TTLL7: variants seen among roughly 807,000 people sequenced by gnomAD.
TTLL7 encodes the protein tubulin tyrosine ligase like 7.
In TTLL7, 53 loss-of-function variants were observed where a neutral mutation model predicts 120.2. The observed-to-expected ratio is 0.44, with a 90% CI of 0.35 to 0.55. The LOEUF (loss-of-function observed/expected upper bound fraction) is 0.55, where lower values mean the gene tolerates loss of function less well. Among genes scored for constraint, TTLL7 ranks in the 20% least tolerant of loss-of-function variants. The pLI is 0.00. For synonymous variants in TTLL7, 353 were observed against 351.7 expected, an observed-to-expected ratio of 1.00 and a Z score of -0.04; for missense variants, 803 against 1,054.7, an observed-to-expected ratio of 0.76 and a Z score of 3.31.
chr1:83,968,051 T>C (rs1650642948), intron 1 of TTLL7, among the ~76,000 whole-genome samples: 1 of 152,030 alleles, frequency 6.6e-6, no homozygotes, highest in Non-Finnish European at 1.5e-5. Flanking sequence ...ATTGGTGCAG[T>C]AGTTCTACCA....
chr1:83,897,942 C>T (rs984764625), intron 18 of TTLL7, among the ~76,000 whole-genome samples: 1 of 150,016 alleles, frequency 6.7e-6, no homozygotes, highest in African/African-American at 2.5e-5. Flanking sequence ...GCTGGTAAAG[C>T]TTTCAATGAT....
chr1:83,914,429 T>G (rs1194700674), intron 14 of TTLL7, among the ~76,000 whole-genome samples: 1 of 147,458 alleles, frequency 6.8e-6, no homozygotes, highest in African/African-American at 2.5e-5. Flanking sequence ...CCTCCCACGT[T>G]CAAGCAATTC....
At chr1:83,891,329 A>G (rs1306706221) in intron 18 of TTLL7, among the ~76,000 whole-genome samples, 1 of 152,116 alleles carries the variant, frequency 6.6e-6, no homozygotes, top group Non-Finnish European at 1.5e-5. Flanking sequence ...AAGGAAATAA[A>G]TATGCCCAAT....
rs1308010072 is a variant in TTLL7, at chr1:83,921,337, G to C, written c.1200C>G (p.Leu400=). ...AKQKAEAQRR[L]YGQNSIKRLL... Reference sequence around the variant, plus strand: ...GCCTTTTAATTGAATTTTGACCATAGAGCCTCCTTTGAGCCTCAGCTTTTT... The same window carrying C: ...GCCTTTTAATTGAATTTTGACCATACAGCCTCCTTTGAGCCTCAGCTTTTT... The change falls in exon 11 of 21, where the codon CTC becomes CTG. Residue 400 remains leucine, a synonymous_variant. Transcript: ENST00000260505. 3.7e-6 allele frequency: 6 copies of C among 1,612,420 alleles called. No homozygotes were observed. Among genetic ancestry groups the C allele is most frequent in the African/African-American group, 2.7e-5 (2 of 74,962 alleles).
At chr1:83,876,471 A>G (rs1557517117) in intron 20 of TTLL7, among the ~76,000 whole-genome samples, 1 of 151,902 alleles carries the variant, frequency 6.6e-6, no homozygotes, top group Non-Finnish European at 1.5e-5. Context: ...TCTCCCCGCC[A>G]AAAATAAAAA....
At chr1:83,939,407 T>G (rs550661428) in intron 7 of TTLL7, among the ~76,000 whole-genome samples, 2 of 152,308 alleles carry the variant, frequency 1.3e-5, no homozygotes, top group South Asian at 4.1e-4. Flanking sequence ...AGTATTCTAG[T>G]GAAAAATTAA....
chr1:83,925,816 T>C (rs1307143087), intron 10 of TTLL7, among the ~76,000 whole-genome samples: 1 of 152,106 alleles, frequency 6.6e-6, no homozygotes, highest in Non-Finnish European at 1.5e-5. Flanking sequence ...TAGCAAATCA[T>C]AGGCTCTTTA....
chr1:83,948,818 A>G (rs1161148615), intron 4 of TTLL7, 123 bp from the exon 5 acceptor site: 2 of 649,466 alleles, frequency 3.1e-6, no homozygotes, highest in Non-Finnish European at 5.2e-6. Context: ...TATTAATCTA[A>G]AAGATTTAAT....
intron 18 of TTLL7, among the ~76,000 whole-genome samples, chr1:83,894,012 T>G (rs1459147061): frequency 6.6e-6 from 1 of 152,154 alleles, no homozygotes. Flanking sequence ...CATTAATTCA[T>G]GCCTTTTAGT....
intron 1 of TTLL7, among the ~76,000 whole-genome samples, chr1:83,989,750 T>C (rs548762258): frequency 1.2e-4 from 19 of 152,350 alleles, no homozygotes; most frequent in African/African-American, 4.6e-4. Flanking sequence ...ACTGAATCTG[T>C]AGACTGCTTT....
At chr1:83,905,523 A>G (rs377545641) in intron 17 of TTLL7, among the ~76,000 whole-genome samples, 158 of 86,844 alleles carry the variant, frequency 1.8e-3, no homozygotes, top group African/African-American at 4.0e-3. Flanking sequence ...CTCCTCTGGG[A>G]AAAAAAAACA....
In TTLL7 at chr1:83,869,986, A is replaced by G. The variant is rs1653189372; in HGVS notation, c.2640T>C (p.Phe880=). ...SPGMTRSNVL[F]TSRYGHL is the part of the protein sequence containing the mutation. Reference sequence around the variant, plus strand: ...TTCACAGATGGCCATATCTGGATGTAAACAAAACATTGGAGCGAGTCATTC... The same window carrying G: ...TTCACAGATGGCCATATCTGGATGTGAACAAAACATTGGAGCGAGTCATTC... Residue 880 remains phenylalanine, a synonymous_variant, in exon 21 of 21, where the codon TTT becomes TTC. Coordinates refer to ENST00000260505, the MANE Select transcript of TTLL7 (RefSeq NM_024686.6). 1.3e-6 allele frequency: 2 copies of G among 1,595,938 alleles called. No individual in the cohort carries two copies. Among genetic ancestry groups the G allele is most frequent in the South Asian group, 1.1e-5 (1 of 87,172 alleles).
chr1:83,920,940 C>T, intron 12 of TTLL7, 147 bp downstream of exon 12: 1 of 841,518 alleles, frequency 1.2e-6, no homozygotes, highest in Non-Finnish European at 1.8e-6. Context: ...CTGCTGACTA[C>T]CTTTCTTTCT....
chr1:83,906,036 CAAT>C (rs555732518), intron 17 of TTLL7, among the ~76,000 whole-genome samples: 1 of 151,944 alleles, frequency 6.6e-6, no homozygotes, highest in Non-Finnish European at 1.5e-5. Flanking sequence ...TCATTAAGAA[CAAT>C]AATTATTTAA....
At chr1:83,972,332 T>C (rs896092439) in intron 1 of TTLL7, among the ~76,000 whole-genome samples, 5 of 152,098 alleles carry the variant, frequency 3.3e-5, no homozygotes, top group African/African-American at 1.2e-4. Flanking sequence ...TTGTCTTTTC[T>C]AGAATGTCAT....
At chr1:83,941,019 T>C (rs900121782) in intron 7 of TTLL7, among the ~76,000 whole-genome samples, 1 of 152,214 alleles carries the variant, frequency 6.6e-6, no homozygotes, top group African/African-American at 2.4e-5. Context: ...TTAGCCAAAC[T>C]GACCTTGTCT....
intron 18 of TTLL7, among the ~76,000 whole-genome samples, chr1:83,896,340 T>C (rs1656221787): frequency 6.6e-6 from 1 of 152,058 alleles, no homozygotes; most frequent in South Asian, 2.1e-4. Flanking sequence ...TGAAAAGATT[T>C]GTCTTTTCCA....
Position 83,938,276 on chromosome 1 carries a change from A to G in TTLL7, c.724-260T>C, listed in dbSNP as rs751282405. Among the ~76,000 whole-genome samples the G allele has an allele frequency of 3.8e-4, 58 of 152,204 alleles. 1 individual carries two copies. Among genetic ancestry groups the G allele is most frequent in the Admixed American group, 1.2e-3 (18 of 15,276 alleles). On this transcript the variant is annotated intron_variant, in intron 7 of 20. Coordinates refer to ENST00000260505, the MANE Select transcript of TTLL7 (RefSeq NM_024686.6). ...TCTACCATTAAAAAGTATCAAATTA[A>G]TAAGAATATAGAGTAATTAAAATGT...
chr1:83,875,983 C>T (rs1021612888), intron 20 of TTLL7, among the ~76,000 whole-genome samples: 1 of 151,722 alleles, frequency 6.6e-6, no homozygotes, highest in South Asian at 2.1e-4. Context: ...TTCTATTAAT[C>T]TTTGCATACC....
Sources: gnomAD v4.1 joint callset for allele counts (sites outside exome capture counted in the v4.1 genomes callset) on GRCh38, gnomAD v4.1.1 for gene constraint, MANE v1.5 for transcripts, NCBI Gene and HGNC (gene_info 2026-07-23, HGNC 2026-07-21) for gene names.